NDUFV2: variants seen among roughly 807,000 people sequenced by gnomAD.
The protein encoded by NDUFV2 is NADH:ubiquinone oxidoreductase core subunit V2.
A neutral mutation model predicts 31.6 loss-of-function variants in NDUFV2; 18 were observed. That is an observed-to-expected ratio of 0.57 (90% CI 0.39 to 0.84). NDUFV2 has a LOEUF of 0.84. Ranked by LOEUF, NDUFV2 falls within the 40% of genes least tolerant of loss-of-function variation. The pLI is 0.00. For synonymous variants in NDUFV2, 83 were observed against 99.8 expected, an observed-to-expected ratio of 0.83 and a Z score of 1.01; for missense variants, 314 against 303.6, an observed-to-expected ratio of 1.03 and a Z score of -0.26.
intron 7 of NDUFV2, among the ~76,000 whole-genome samples, chr18:9,130,797 A>G (rs2078033472): frequency 6.6e-6 from 1 of 152,216 alleles, no homozygotes; most frequent in Non-Finnish European, 1.5e-5. Flanking sequence ...TTCAATAGTA[A>G]CTGATTCCTG....
chr18:9,114,142 C>T (rs1300180731), intron 1 of NDUFV2, among the ~76,000 whole-genome samples: 1 of 152,204 alleles, frequency 6.6e-6, no homozygotes, highest in Admixed American at 6.5e-5. Flanking sequence ...ATGCACAAAC[C>T]TAAGACCCAT....
At chr18:9,104,830 G>GA (rs1185553930) in intron 1 of NDUFV2, 1 of 1,175,018 alleles carries the variant, frequency 8.5e-7, no homozygotes, top group Non-Finnish European at 1.1e-6. Context: ...TACGTGTGTA[G>GA]AAAAAACAAT....
intron 6 of NDUFV2, 131 bp from the exon 7 acceptor site, chr18:9,126,700 T>C (rs2077993456): frequency 3.9e-6 from 3 of 763,046 alleles, no homozygotes; most frequent in Non-Finnish European, 6.8e-6. Flanking sequence ...TTTGGGAGGC[T>C]GAGGTAGGAG....
At chr18:9,123,210 A>G (rs759299077) in intron 5 of NDUFV2, among the ~76,000 whole-genome samples, 3 of 152,194 alleles carry the variant, frequency 2.0e-5, no homozygotes, top group Admixed American at 2.0e-4. Context: ...TTCTAACTAT[A>G]TATGTCAAAT....
intron 1 of NDUFV2, chr18:9,104,355 A>G (rs2077830707): frequency 6.7e-7 from 1 of 1,483,904 alleles, no homozygotes; most frequent in Non-Finnish European, 9.2e-7. Context: ...GTAGAGGAAT[A>G]AGATGTGGTT....
chr18:9,128,165 G>A (rs932500464), intron 7 of NDUFV2, among the ~76,000 whole-genome samples: 3 of 152,154 alleles, frequency 2.0e-5, no homozygotes, highest in Admixed American at 6.5e-5. Context: ...CACATTTGGA[G>A]TTTTTGATGT....
At chr18:9,117,723 A>C in intron 1 of NDUFV2, 115 bp from the exon 2 acceptor site, 1 of 684,412 alleles carries the variant, frequency 1.5e-6, no homozygotes, top group Admixed American at 2.3e-5. Context: ...CATATTTCTT[A>C]AGATCTTTTA....
chr18:9,105,000 C>G (rs1356165458), intron 1 of NDUFV2: 1 of 1,522,194 alleles, frequency 6.6e-7, no homozygotes, highest in Admixed American at 1.9e-5. Context: ...TGTTTGGTAG[C>G]CTGCTCTTTT....
At chr18:9,117,732 T>C in intron 1 of NDUFV2, 106 bp from the exon 2 acceptor site, 1 of 711,910 alleles carries the variant, frequency 1.4e-6, no homozygotes. Flanking sequence ...TAAGATCTTT[T>C]ATAAGTTGAT....
At chr18:9,113,607 A>T (rs577831916) in intron 1 of NDUFV2, among the ~76,000 whole-genome samples, 2 of 152,342 alleles carry the variant, frequency 1.3e-5, no homozygotes, top group South Asian at 4.1e-4. Flanking sequence ...GTAAAAACTA[A>T]AAGGCAGAAA....
intron 6 of NDUFV2, chr18:9,126,613 A>T: frequency 2.0e-6 from 1 of 511,828 alleles, no homozygotes; most frequent in South Asian, 2.2e-5. Flanking sequence ...AATCACTGGC[A>T]TTAGGGATTT....
At chr18:9,118,815 GTTTTTTTTTTT>G (rs71168030) in intron 2 of NDUFV2, among the ~76,000 whole-genome samples, 4 of 76,760 alleles carry the variant, frequency 5.2e-5, no homozygotes, top group African/African-American at 9.9e-5. Context: ...AGATGGTGCT[GTTTTTTTTTTT>G]TTTTTTTTTT....
At chr18:9,118,904 T>C (rs2077914666) in intron 2 of NDUFV2, among the ~76,000 whole-genome samples, 1 of 148,408 alleles carries the variant, frequency 6.7e-6, no homozygotes, top group African/African-American at 2.5e-5. Context: ...CCAGATCCCT[T>C]TGACAATCTG....
intron 1 of NDUFV2, chr18:9,105,011 G>T: frequency 6.6e-7 from 1 of 1,512,844 alleles, no homozygotes; most frequent in East Asian, 2.3e-5. Flanking sequence ...CTGCTCTTTT[G>T]TAATGTATTC....
At position 9,122,695 on chromosome 18, in the gene NDUFV2, G is replaced by C. The variant is rs765708348; in HGVS notation, c.469+14G>C. 4 of 1,613,114 alleles carry C rather than the reference G, an allele frequency of 2.5e-6. No individual in the cohort carries two copies. The highest frequency in any genetic ancestry group is 2.5e-6 in the Non-Finnish European group (3 of 1,179,320). On this transcript the variant is annotated intron_variant, in intron 5 of 7. Coordinates refer to ENST00000318388, the MANE Select transcript of NDUFV2 (RefSeq NM_021074.5). ...AGAAAAAGCTTGGTAGGGAATACAT[G>C]ATATTTGTAACACTGATAAAAAGTA...
chr18:9,107,744 A>G (rs1004567767), intron 1 of NDUFV2, among the ~76,000 whole-genome samples: 1 of 152,244 alleles, frequency 6.6e-6, no homozygotes, highest in Non-Finnish European at 1.5e-5. Flanking sequence ...TAGGCACTCT[A>G]ATAATAAAAG....
intron 1 of NDUFV2, chr18:9,117,499 T>G (rs548103009): frequency 7.2e-6 from 2 of 276,502 alleles, no homozygotes; most frequent in South Asian, 9.0e-5. Flanking sequence ...TCCAAGTTGA[T>G]TCAGACAAAA....
At chr18:9,103,134 C>G (rs2077823534) in intron 1 of NDUFV2, 1 of 400,930 alleles carries the variant, frequency 2.5e-6, no homozygotes, top group African/African-American at 2.1e-5. Context: ...TTTCGAAGAC[C>G]GTCGCTCCGA....
intron 7 of NDUFV2, among the ~76,000 whole-genome samples, chr18:9,132,654 T>A (rs2078050068): frequency 1.3e-5 from 2 of 152,064 alleles, no homozygotes; most frequent in African/African-American, 4.8e-5. Context: ...GCGGACAGAT[T>A]GTTTGAGCCC....
Sources: allele counts gnomAD v4.1 joint callset (sites outside exome capture counted in the v4.1 genomes callset), GRCh38; gene constraint gnomAD v4.1.1; transcripts MANE v1.5; gene names NCBI Gene and HGNC (gene_info 2026-07-23, HGNC 2026-07-21).